The following CHIC2 variants were observed in gnomAD, a reference collection of about 807,000 sequenced individuals.
The protein encoded by CHIC2 is cysteine-rich hydrophobic domain-containing protein 2.
CHIC2 carries 14 observed loss-of-function variants against 25.9 expected under a neutral mutation model. That is an observed-to-expected ratio of 0.54 (90% CI 0.36 to 0.85). The LOEUF (loss-of-function observed/expected upper bound fraction) is 0.85. CHIC2 is among the 40% of genes least tolerant of loss of function. CHIC2 has a pLI of 0.01. For missense variants in CHIC2, 146 were observed against 202.0 expected (o/e 0.72, Z 1.68); for synonymous variants, 70 against 72.0 (o/e 0.97, Z 0.14).
chr4:54,042,872 G>C (rs1454325895), intron 3 of CHIC2, among the ~76,000 whole-genome samples: 3 of 152,196 alleles, frequency 2.0e-5, no homozygotes, highest in Non-Finnish European at 4.4e-5. Flanking sequence ...GAATGTACCA[G>C]TTTAAAAATT....
the CHIC2 span, among the ~76,000 whole-genome samples, chr4:54,072,234 G>A: frequency 6.6e-6 from 1 of 151,778 alleles, no homozygotes; most frequent in East Asian, 1.9e-4. Flanking sequence ...ACCTGGAAGG[G>A]GAGCTTGCAG....
At chr4:54,065,377 T>A (rs758147009), upstream of CHIC2, 45 of 941,868 alleles carry the variant, frequency 4.8e-5, no homozygotes, top group Non-Finnish European at 5.7e-5. Context: ...TTTGTTGTTG[T>A]TTCCTTAAAA....
In CHIC2 at chr4:54,064,061, G is replaced by T; in HGVS notation, c.119+121C>A. The T allele has an allele frequency of 1.3e-6, 1 of 771,444 alleles. No homozygotes were observed. The highest frequency in any genetic ancestry group is 2.1e-6 in the Non-Finnish European group (1 of 472,926). The allele number at this position is 771,444 out of a possible 1,614,324, so 47.8% of individuals were successfully genotyped here. A position where few individuals can be genotyped will look rare whatever the true frequency, so the allele number is the denominator to read the frequency against. On this transcript the variant is annotated intron_variant, in intron 1 of 5. Coordinates refer to ENST00000263921, the MANE Select transcript of CHIC2 (RefSeq NM_012110.4). The surrounding 1 kb of genome is among the most constrained non-coding windows in gnomAD (Gnocchi z 4.2). Reference sequence around the variant, plus strand: ...AAATAAGCCAAGTTCTCACTTCCTGGTTGCCTACTCTTTCGGAAGGCCCCC... The same window carrying T: ...AAATAAGCCAAGTTCTCACTTCCTGTTTGCCTACTCTTTCGGAAGGCCCCC...
chr4:54,036,992 T>G (rs1002471657), intron 3 of CHIC2, among the ~76,000 whole-genome samples: 1 of 152,050 alleles, frequency 6.6e-6, no homozygotes, highest in African/African-American at 2.4e-5. Context: ...ATCCATATAA[T>G]AAACATTATT....
intron 1 of CHIC2, among the ~76,000 whole-genome samples, chr4:54,061,914 G>A (rs971168866): frequency 1.3e-5 from 2 of 152,090 alleles, no homozygotes; most frequent in African/African-American, 2.4e-5. Flanking sequence ...GTTTGATAAT[G>A]GCAGTTCTAA....
chr4:54,013,816 C>T lies in CHIC2; in HGVS notation c.447+21G>A, dbSNP rs1219655012. Reference sequence around the variant, plus strand: ...AATGATCATTTAATAGAGAAACTCACAAAACAGCCCTTTAACTTACATATT... The same window carrying T: ...AATGATCATTTAATAGAGAAACTCATAAAACAGCCCTTTAACTTACATATT... On this transcript the variant is annotated intron_variant, in intron 5 of 5. Transcript: ENST00000263921. The T allele has an allele frequency of 1.9e-6, 3 of 1,610,104 alleles. No homozygotes were observed. The South Asian group carries it at 3.3e-5, about 18-fold the overall frequency.
rs1577991594 is a variant in CHIC2 at position 54,064,101 on chromosome 4, A to C, written c.119+81T>G. On this transcript the variant is annotated intron_variant, in intron 1 of 5. Transcript: ENST00000263921. The surrounding 1 kb of genome is among the most constrained non-coding windows in gnomAD (Gnocchi z 4.2). ...GGAAGGCCCCCGACACCAGACGGAC[A>C]CAGGGGAAACGGGGCTCCCGTGGAG... The C allele has an allele frequency of 1.6e-6, 2 of 1,218,930 alleles. No individual in the cohort carries two copies. The highest frequency in any genetic ancestry group is 3.0e-5 in the African/African-American group (2 of 66,416). 75.5% of individuals were successfully genotyped at this position (1,218,930 alleles called of 1,614,324 possible). A position where few individuals can be genotyped will look rare whatever the true frequency, so the allele number is the denominator to read the frequency against.
At chr4:54,058,870 G>T (rs1577988486) in intron 1 of CHIC2, among the ~76,000 whole-genome samples, 1 of 151,910 alleles carries the variant, frequency 6.6e-6, no homozygotes, top group Non-Finnish European at 1.5e-5. Context: ...TATTTGATTA[G>T]TATCATAATA....
intron 3 of CHIC2, among the ~76,000 whole-genome samples, chr4:54,019,040 G>A (rs1715821101): frequency 6.6e-6 from 1 of 151,650 alleles, no homozygotes; most frequent in African/African-American, 2.4e-5. Flanking sequence ...GTAAAACAAT[G>A]TCTTTAGCTG....
intron 3 of CHIC2, among the ~76,000 whole-genome samples, chr4:54,030,725 T>C (rs1577970289): frequency 1.3e-5 from 2 of 148,892 alleles, no homozygotes. Flanking sequence ...TGGAGTGCAA[T>C]GGCACGATCT....
intron 3 of CHIC2, among the ~76,000 whole-genome samples, chr4:54,043,051 C>G (rs886230269): frequency 3.9e-5 from 6 of 152,110 alleles, no homozygotes; most frequent in African/African-American, 1.4e-4. Flanking sequence ...TGGCTCACAC[C>G]TGTAATCCCA....
intron 3 of CHIC2, among the ~76,000 whole-genome samples, chr4:54,022,464 T>C (rs1715932459): frequency 6.6e-6 from 1 of 152,114 alleles, no homozygotes; most frequent in South Asian, 2.1e-4. Flanking sequence ...ATGGCCAGGC[T>C]TCTAAACCTC....
chr4:54,064,682 C>CGGGCGCGTGCGTGGGCGCGT (rs1553887950), upstream of CHIC2: 13 of 1,022,712 alleles, frequency 1.3e-5, no homozygotes, highest in South Asian at 4.5e-4. This position sits in a 1 kb window ranked among gnomAD's most constrained non-coding sequence, Gnocchi z 4.2. Flanking sequence ...AACGGGCGGG[C>CGGGCGCGTGCGTGGGCGCGT]GGGCGCGTGC....
the CHIC2 span, among the ~76,000 whole-genome samples, chr4:54,078,100 T>A: frequency 2.5e-4 from 38 of 152,218 alleles, no homozygotes; most frequent in Admixed American, 1.3e-4. Context: ...GTGTCTCACA[T>A]GTGGGATTCT....
chr4:54,085,695 T>C, the CHIC2 span, among the ~76,000 whole-genome samples: 2 of 152,196 alleles, frequency 1.3e-5, no homozygotes. Flanking sequence ...GTAGCTGTGA[T>C]GTGAGCAGCT....
chr4:54,014,168 CTT>C (rs1312100192), intron 3 of CHIC2, 49 bp from the exon 4 acceptor site: 2 of 1,563,054 alleles, frequency 1.3e-6, no homozygotes, highest in Non-Finnish European at 1.8e-6. Context: ...TTTTAGAAAA[CTT>C]TGTTTTGCAG....
At position 54,055,735 on chromosome 4, in the gene CHIC2, T is replaced by C. The variant is rs115164567; in HGVS notation, c.120-6430A>G. Among the ~76,000 whole-genome samples, 1,516 of 152,274 alleles carry C rather than the reference T, an allele frequency of 1.0e-2. 25 individuals are homozygous for C. Among genetic ancestry groups the C allele is most frequent in the African/African-American group, 0.034 (1,430 of 41,550 alleles). ...TCAATGAACTCAAATTTTTAGCTAG[T>C]TTTGGAGATAAAGTCATAACTATGG... On this transcript the variant is annotated intron_variant, in intron 1 of 5. Transcript: ENST00000263921.
chr4:54,044,055 G>A (rs1422714446), intron 3 of CHIC2, among the ~76,000 whole-genome samples: 4 of 152,288 alleles, frequency 2.6e-5, no homozygotes, highest in African/African-American at 7.2e-5. Flanking sequence ...AAGAGACAAA[G>A]AAGGCCATTA....
At chr4:54,014,455 G>A (rs1417862772) in intron 3 of CHIC2, among the ~76,000 whole-genome samples, 2 of 151,998 alleles carry the variant, frequency 1.3e-5, no homozygotes, top group African/African-American at 4.8e-5. Flanking sequence ...AGTAACGGAA[G>A]TTCCTTAATA....
Sources: allele counts gnomAD v4.1 joint callset (sites outside exome capture counted in the v4.1 genomes callset), GRCh38; gene constraint gnomAD v4.1.1; non-coding constraint Gnocchi (gnomAD v3.1); transcripts MANE v1.5; gene names NCBI Gene and HGNC (gene_info 2026-07-23, HGNC 2026-07-21).